KRTAP9-3: variants seen among roughly 807,000 people sequenced by gnomAD.
KRTAP9-3 encodes keratin associated protein 9-3, also known as keratin-associated protein 9-3.
Under a neutral mutation model 13.0 loss-of-function variants are expected in KRTAP9-3, and 12 were observed. The ratio of observed to expected loss-of-function variants is 0.93; its 90% confidence interval spans 0.59 to 1.50. KRTAP9-3 has a LOEUF of 1.50. Ranked by LOEUF, KRTAP9-3 falls within the 40% of genes most tolerant of loss-of-function variation. KRTAP9-3 has a pLI of 0.00. For missense variants in KRTAP9-3, 232 were observed against 195.2 expected, an observed-to-expected ratio of 1.19 and a Z score of -1.12; for synonymous variants, 89 against 68.7, an observed-to-expected ratio of 1.29 and a Z score of -1.46.
rs756738815 is a variant in KRTAP9-3, at chr17:41,233,069, A to T, written c.*88A>T. Reference sequence around the variant, plus strand: ...GAGGGACTAATTTACTTTGCTGCTGACAGCCACCATGCTCTCACCCAAATT... The same window carrying T: ...GAGGGACTAATTTACTTTGCTGCTGTCAGCCACCATGCTCTCACCCAAATT... On this transcript the variant is annotated 3_prime_UTR_variant, in exon 1 of 1. Coordinates refer to ENST00000411528, the MANE Select transcript of KRTAP9-3 (RefSeq NM_031962.3). The T allele has an allele frequency of 1.3e-6, 2 of 1,564,332 alleles. No individual in the cohort carries two copies. The highest frequency in any genetic ancestry group is 1.7e-6 in the Non-Finnish European group (2 of 1,156,438).
Position 41,232,985 on chromosome 17 carries a change from A to T in KRTAP9-3, c.*4A>T. On this transcript the variant is annotated 3_prime_UTR_variant, in exon 1 of 1. Coordinates refer to ENST00000411528, the MANE Select transcript of KRTAP9-3 (RefSeq NM_031962.3). The stretch of plus-strand genomic sequence containing the variant: ...CTGCCAGCCTTCTTGCTGCTAATCA[A>T]CTCCCAAGAGAACTACCATCCTCAC... 6.2e-7 allele frequency: 1 copy of T among 1,606,894 alleles called. No individual in the cohort carries two copies. Among genetic ancestry groups the T allele is most frequent in the Middle Eastern group, 1.7e-4 (1 of 6,060 alleles).
chr17:41,232,580 T>G lies in KRTAP9-3; in HGVS notation c.79T>G (p.Cys27Gly). 1 of 1,603,858 alleles carries G rather than the reference T, an allele frequency of 6.2e-7. No individual in the cohort carries two copies. Among genetic ancestry groups the G allele is most frequent in the Non-Finnish European group, 8.5e-7 (1 of 1,176,976 alleles). ...TCWQPTTVTTCSSTPCCQPSC... is the reference protein window; with the variant it reads ...TCWQPTTVTTGSSTPCCQPSC... The stretch of plus-strand genomic sequence containing the variant: ...CTGGCAGCCCACCACTGTGACCACC[T>G]GCAGCAGCACACCCTGCTGTCAGCC... Residue 27 changes from cysteine to glycine, a missense_variant, in exon 1 of 1, where the codon TGC becomes GGC. Coordinates refer to ENST00000411528, the MANE Select transcript of KRTAP9-3 (RefSeq NM_031962.3).
At position 41,233,097 on chromosome 17, in the gene KRTAP9-3, T is replaced by G. The variant is rs915528796; in HGVS notation, c.*116T>G. 9 of 1,501,206 alleles carry G rather than the reference T, an allele frequency of 6.0e-6. No individual in the cohort carries two copies. Among genetic ancestry groups the G allele is most frequent in the Non-Finnish European group, 8.1e-6 (9 of 1,113,758 alleles). 93.0% of individuals were successfully genotyped at this position (1,501,206 alleles called of 1,614,324 possible). A position where few individuals can be genotyped will look rare whatever the true frequency, so the allele number is the denominator to read the frequency against. On this transcript the variant is annotated 3_prime_UTR_variant, in exon 1 of 1. Coordinates refer to ENST00000411528, the MANE Select transcript of KRTAP9-3 (RefSeq NM_031962.3). ...GCCACCATGCTCTCACCCAAATTTT[T>G]ATGAATTCTCTACATGTTTAAAATC...
In KRTAP9-3 at chr17:41,232,880, C is replaced by G; in HGVS notation, c.379C>G (p.Gln127Glu). ...LNQSCGSNCC[Q>E]PCCRPACCET... ...CCAGAGCTGTGGCTCCAACTGCTGCCAGCCCTGCTGCCGCCCAGCCTGCTG... is the reference window on the plus strand; with the variant it reads ...CCAGAGCTGTGGCTCCAACTGCTGCGAGCCCTGCTGCCGCCCAGCCTGCTG... Residue 127 changes from glutamine (Q) to glutamate (E), a missense_variant, in exon 1 of 1, where the codon CAG becomes GAG. Physicochemically the swap from Gln to Glu is conservative, Grantham distance 29 (BLOSUM62 2). Transcript: ENST00000411528. 6.2e-7 allele frequency: 1 copy of G among 1,608,210 alleles called. No homozygotes were observed. Among genetic ancestry groups the G allele is most frequent in the Non-Finnish European group, 8.5e-7 (1 of 1,179,948 alleles).
At chr17:41,232,601 C>T in the KRTAP9-3 span, 3 of 1,602,602 alleles carry the variant, frequency 1.9e-6, no homozygotes, top group Non-Finnish European at 2.6e-6. Flanking sequence ...ACCCTGCTGT[C>T]AGCCCTCCTG....
Position 41,232,600 on chromosome 17 carries a change from T to C in KRTAP9-3, c.99T>C (p.Cys33=), listed in dbSNP as rs1860551. 1,504,652 of 1,606,920 alleles carry C rather than the reference T, an allele frequency of 0.94. 705,750 individuals carry two copies. Among genetic ancestry groups the C allele is most frequent in the South Asian group, 0.97 (88,376 of 91,036 alleles). ...CCACCTGCAGCAGCACACCCTGCTGTCAGCCCTCCTGCTGTGTTTCCAGCT... is the reference window on the plus strand; with the variant it reads ...CCACCTGCAGCAGCACACCCTGCTGCCAGCCCTCCTGCTGTGTTTCCAGCT... ...TVTTCSSTPC[C]QPSCCVSSCC... The change falls in exon 1 of 1, where the codon TGT becomes TGC. Residue 33 remains cysteine (C), a synonymous_variant. Coordinates refer to ENST00000411528, the MANE Select transcript of KRTAP9-3 (RefSeq NM_031962.3).
In KRTAP9-3 at chr17:41,232,642, C is replaced by T. The variant is rs764304702; in HGVS notation, c.141C>T (p.Cys47=). The T allele has an allele frequency of 1.2e-5, 19 of 1,607,998 alleles. No homozygotes were observed. Among genetic ancestry groups the T allele is most frequent in the East Asian group, 8.9e-5 (4 of 44,882 alleles). The change falls in exon 1 of 1, where the codon TGC becomes TGT. Residue 47 remains cysteine, a synonymous_variant. Transcript: ENST00000411528. The part of the protein sequence containing the change: ...CCVSSCCQPC[C]HPTCCQNTCC... Reference sequence around the variant, plus strand: ...TTTCCAGCTGCTGCCAGCCTTGCTGCCACCCAACTTGCTGTCAAAACACCT... The same window carrying T: ...TTTCCAGCTGCTGCCAGCCTTGCTGTCACCCAACTTGCTGTCAAAACACCT...
At position 41,232,814 on chromosome 17, in the gene KRTAP9-3, T is replaced by C; in HGVS notation, c.313T>C (p.Cys105Arg). 8 of 1,608,192 alleles carry C rather than the reference T, an allele frequency of 5.0e-6. No homozygotes were observed. Among genetic ancestry groups the C allele is most frequent in the Non-Finnish European group, 6.8e-6 (8 of 1,179,996 alleles). Reference protein sequence around the residue: ...SCAPVYCRRTCYHPTSVCLPG... With the variant: ...SCAPVYCRRTRYHPTSVCLPG... ...TGCACCTGTGTACTGCAGAAGAACCTGCTACCACCCCACAAGTGTTTGTCT... is the reference window on the plus strand; with the variant it reads ...TGCACCTGTGTACTGCAGAAGAACCCGCTACCACCCCACAAGTGTTTGTCT... Residue 105 changes from cysteine (C) to arginine (R), a missense_variant, in exon 1 of 1, where the codon TGC becomes CGC. Coordinates refer to ENST00000411528, the MANE Select transcript of KRTAP9-3 (RefSeq NM_031962.3).
rs775695127 is a variant in KRTAP9-3, at chr17:41,232,621, C to T, written c.120C>T (p.Ser40=). Residue 40 remains serine, a synonymous_variant, in exon 1 of 1, where the codon TCC becomes TCT. Transcript: ENST00000411528. ...TPCCQPSCCV[S]SCCQPCCHPT... ...GCTGTCAGCCCTCCTGCTGTGTTTC[C>T]AGCTGCTGCCAGCCTTGCTGCCACC... The T allele has an allele frequency of 7.9e-5, 127 of 1,603,496 alleles. No homozygotes were observed. Among genetic ancestry groups the T allele is most frequent in the African/African-American group, 1.0e-4 (7 of 69,174 alleles).
chr17:41,232,726 C>A, the KRTAP9-3 span: 4 of 1,608,712 alleles, frequency 2.5e-6, no homozygotes, highest in Non-Finnish European at 3.4e-6. Flanking sequence ...AGCCTTCCTG[C>A]TGTAGCACAC....
chr17:41,233,454 A>T lies in KRTAP9-3; in HGVS notation c.*473A>T, dbSNP rs1292891089. On this transcript the variant is annotated 3_prime_UTR_variant, in exon 1 of 1. Coordinates refer to ENST00000411528, the MANE Select transcript of KRTAP9-3 (RefSeq NM_031962.3). Reference sequence around the variant, plus strand: ...ATAAACTCTGAACCATCTTCATCTCATATAGTGTTTTGTTTTATTTGAAAG... The same window carrying T: ...ATAAACTCTGAACCATCTTCATCTCTTATAGTGTTTTGTTTTATTTGAAAG... The T allele has an allele frequency of 2.7e-5, 6 of 220,906 alleles. No homozygotes were observed. The highest frequency in any genetic ancestry group is 5.8e-5 in the Non-Finnish European group (6 of 104,340). 13.7% of individuals were successfully genotyped at this position (220,906 alleles called of 1,614,324 possible). A position where few individuals can be genotyped will look rare whatever the true frequency, so the allele number is the denominator to read the frequency against.
chr17:41,232,743 G>A lies in KRTAP9-3; in HGVS notation c.242G>A (p.Cys81Tyr). The A allele has an allele frequency of 1.2e-6, 2 of 1,607,606 alleles. No homozygotes were observed. The highest frequency in any genetic ancestry group is 2.2e-5 in the South Asian group (2 of 91,052). The change falls in exon 1 of 1, where the codon TGC (cysteine) becomes TAC (tyrosine). Residue 81 changes from cysteine (C) to tyrosine (Y), a missense_variant. Transcript: ENST00000411528. ...CQPSCCSTPC[C>Y]QPTCCGSSCG... is the part of the protein sequence containing the mutation. ...CCTTCCTGCTGTAGCACACCCTGCT[G>A]CCAGCCCACATGCTGTGGGTCCAGC...
chr17:41,232,827 C>A lies in KRTAP9-3; in HGVS notation c.326C>A (p.Thr109Lys). The change falls in exon 1 of 1, where the codon ACA becomes AAA. Residue 109 changes from threonine to lysine, a missense_variant. Thr to Lys is a moderately conservative substitution (Grantham distance 78). Coordinates refer to ENST00000411528, the MANE Select transcript of KRTAP9-3 (RefSeq NM_031962.3). ...TGCAGAAGAACCTGCTACCACCCCA[C>A]AAGTGTTTGTCTGCCTGGTTGCCTA... Reference protein sequence around the residue: ...VYCRRTCYHPTSVCLPGCLNQ... With the variant: ...VYCRRTCYHPKSVCLPGCLNQ... The A allele has an allele frequency of 3.1e-6, 5 of 1,608,426 alleles. 1 individual carries two copies. The highest frequency in any genetic ancestry group is 2.2e-5 in the South Asian group (2 of 91,078).
Position 41,233,074 on chromosome 17 carries a change from C to A in KRTAP9-3, c.*93C>A, listed in dbSNP as rs938409274. On this transcript the variant is annotated 3_prime_UTR_variant, in exon 1 of 1. Coordinates refer to ENST00000411528, the MANE Select transcript of KRTAP9-3 (RefSeq NM_031962.3). ...ACTAATTTACTTTGCTGCTGACAGCCACCATGCTCTCACCCAAATTTTTAT... is the reference window on the plus strand; with the variant it reads ...ACTAATTTACTTTGCTGCTGACAGCAACCATGCTCTCACCCAAATTTTTAT... 8 of 1,549,896 alleles carry A rather than the reference C, an allele frequency of 5.2e-6. No individual in the cohort carries two copies. Among genetic ancestry groups the A allele is most frequent in the Non-Finnish European group, 7.0e-6 (8 of 1,150,188 alleles).
At position 41,232,935 on chromosome 17, in the gene KRTAP9-3, T is replaced by C. The variant is rs1360670703; in HGVS notation, c.434T>C (p.Phe145Ser). ...ACCACCTGCTGCAGGACCACTTGTT[T>C]CCAGCCCACCTGTGTGTACAGCTGC... ...CETTCCRTTC[F>S]QPTCVYSCCQ... is the part of the protein sequence containing the mutation. The change falls in exon 1 of 1, where the codon TTC (phenylalanine) becomes TCC (serine). Residue 145 changes from phenylalanine to serine, a missense_variant. Phe to Ser is a radical substitution (Grantham distance 155, BLOSUM62 -2). Coordinates refer to ENST00000411528, the MANE Select transcript of KRTAP9-3 (RefSeq NM_031962.3). The C allele has an allele frequency of 1.2e-6, 2 of 1,607,604 alleles. No homozygotes were observed. Among genetic ancestry groups the C allele is most frequent in the Non-Finnish European group, 1.7e-6 (2 of 1,179,744 alleles).
chr17:41,232,764 C>T lies in KRTAP9-3; in HGVS notation c.263C>T (p.Ser88Phe), dbSNP rs2015878361. 1 of 1,607,980 alleles carries T rather than the reference C, an allele frequency of 6.2e-7. No individual in the cohort carries two copies. The highest frequency in any genetic ancestry group is 1.7e-5 in the Admixed American group (1 of 59,888). ...TGCTGCCAGCCCACATGCTGTGGGT[C>T]CAGCTGTGGTCAGAGCAGCTCCTGT... Reference protein sequence around the residue: ...TPCCQPTCCGSSCGQSSSCAP... With the variant: ...TPCCQPTCCGFSCGQSSSCAP... The change falls in exon 1 of 1, where the codon TCC (serine) becomes TTC (phenylalanine). Residue 88 changes from serine (S) to phenylalanine (F), a missense_variant. Ser to Phe is a radical substitution (Grantham distance 155). Transcript: ENST00000411528.
Position 41,232,680 on chromosome 17 carries a change from C to A in KRTAP9-3, c.179C>A (p.Thr60Asn), listed in dbSNP as rs139245968. 6.3e-5 allele frequency: 101 copies of A among 1,608,562 alleles called. 3 individuals carry two copies. The Middle Eastern group carries it at 9.9e-4, about 16-fold the overall frequency. Residue 60 changes from threonine to asparagine, a missense_variant, in exon 1 of 1, where the codon ACC becomes AAC. Thr to Asn is a moderately conservative substitution (Grantham distance 65). Transcript: ENST00000411528. The stretch of plus-strand genomic sequence containing the variant: ...TGTCAAAACACCTGCTGTAGGACCA[C>A]CTGCTGCCAGCCCATCTGTGTGACC... ...TCCQNTCCRT[T>N]CCQPICVTSC...
chr17:41,232,752 C>A lies in KRTAP9-3; in HGVS notation c.251C>A (p.Thr84Lys). The part of the protein sequence containing the change: ...SCCSTPCCQP[T>K]CCGSSCGQSS... ...TGTAGCACACCCTGCTGCCAGCCCA[C>A]ATGCTGTGGGTCCAGCTGTGGTCAG... The change falls in exon 1 of 1, where the codon ACA (threonine) becomes AAA (lysine). Residue 84 changes from threonine to lysine, a missense_variant. Transcript: ENST00000411528. The A allele has an allele frequency of 6.2e-7, 1 of 1,608,490 alleles. No homozygotes were observed. Among genetic ancestry groups the A allele is most frequent in the Non-Finnish European group, 8.5e-7 (1 of 1,179,958 alleles).
chr17:41,233,046 G>A lies in KRTAP9-3; in HGVS notation c.*65G>A, dbSNP rs2015891316. 2.5e-6 allele frequency: 4 copies of A among 1,588,826 alleles called. No individual in the cohort carries two copies. The South Asian group carries it at 4.5e-5, about 18-fold the overall frequency. ...TCAGCTCAACTGACTTGTCTTTTGA[G>A]GGACTAATTTACTTTGCTGCTGACA... On this transcript the variant is annotated 3_prime_UTR_variant, in exon 1 of 1. Transcript: ENST00000411528.
Sources: allele counts gnomAD v4.1 joint callset, GRCh38; gene constraint gnomAD v4.1.1; transcripts MANE v1.5; gene names NCBI Gene and HGNC (gene_info 2026-07-23, HGNC 2026-07-21).